NRXN3: variants seen among roughly 807,000 people sequenced by gnomAD.
NRXN3 encodes the protein neurexin III.
NRXN3 carries 32 observed loss-of-function variants against 137.6 expected under a neutral mutation model. The ratio of observed to expected loss-of-function variants is 0.23; its 90% CI spans 0.18 to 0.31. NRXN3 has a LOEUF of 0.31. NRXN3 is among the 10% of genes least tolerant of loss of function. The pLI is 1.00. For synonymous variants in NRXN3, 798 were observed against 784.5 expected (o/e 1.02, Z -0.29); for missense variants, 1,574 against 2,062.5 (o/e 0.76, Z 4.59).
chr14:78,917,047 A>G (rs1245066998), intron 10 of NRXN3, among the ~76,000 whole-genome samples: 2 of 152,158 alleles, frequency 1.3e-5, no homozygotes, highest in Non-Finnish European at 2.9e-5. Flanking sequence ...CCCTATCTTC[A>G]AATATGGTAA....
intron 15 of NRXN3, among the ~76,000 whole-genome samples, chr14:79,113,312 G>A (rs1252115791): frequency 2.6e-5 from 4 of 152,092 alleles, no homozygotes; most frequent in Non-Finnish European, 5.9e-5. Context: ...GAAGTATACT[G>A]GGGCAGTCTA....
intron 16 of NRXN3, among the ~76,000 whole-genome samples, chr14:79,476,872 T>G (rs531083258): frequency 6.6e-6 from 1 of 152,240 alleles, no homozygotes; most frequent in South Asian, 2.1e-4. Flanking sequence ...GGCTTTCAAA[T>G]GCAATTCTGA....
intron 15 of NRXN3, among the ~76,000 whole-genome samples, chr14:79,121,437 G>A (rs1461121049): frequency 6.6e-6 from 1 of 152,208 alleles, no homozygotes; most frequent in Non-Finnish European, 1.5e-5. Context: ...TGAATACCTT[G>A]CAGCCTCTCT....
chr14:78,385,670 G>T lies in NRXN3; in HGVS notation c.757+87810G>T, dbSNP rs563236704. On this transcript the variant is annotated intron_variant, in intron 4 of 20. Coordinates refer to ENST00000335750, the MANE Select transcript of NRXN3 (RefSeq NM_001330195.2). ...CATACAGGAAAGGATTCACTATTTT[G>T]GATGACGTTTGGCTTAGTGCAGATG... Among the ~76,000 whole-genome samples, 5 of 152,292 alleles carry T rather than the reference G, an allele frequency of 3.3e-5. No individual in the cohort carries two copies. The East Asian group carries it at 9.7e-4, about 29-fold the overall frequency.
chr14:78,982,753 G>A (rs1408163389), intron 14 of NRXN3, among the ~76,000 whole-genome samples: 1 of 152,138 alleles, frequency 6.6e-6, no homozygotes, highest in African/African-American at 2.4e-5. Context: ...TTTCTTGGAT[G>A]TGACTTCAAA....
At chr14:79,511,370 G>A (rs1482293818) in intron 16 of NRXN3, among the ~76,000 whole-genome samples, 1 of 152,166 alleles carries the variant, frequency 6.6e-6, no homozygotes, top group Non-Finnish European at 1.5e-5. Flanking sequence ...AAGGACAAGA[G>A]GGGAATTAGC....
chr14:78,935,407 C>T (rs1021056951), intron 10 of NRXN3, among the ~76,000 whole-genome samples: 10 of 152,092 alleles, frequency 6.6e-5, no homozygotes, highest in Non-Finnish European at 1.3e-4. Flanking sequence ...GGGACTGGTT[C>T]CAGAACTTCA....
chr14:78,732,094 C>A (rs1411873074), intron 8 of NRXN3, among the ~76,000 whole-genome samples: 1 of 152,064 alleles, frequency 6.6e-6, no homozygotes, highest in Non-Finnish European at 1.5e-5. Context: ...TCTTTTTGGA[C>A]CAGAGGCTAC....
chr14:79,026,524 A>G (rs1210237207), intron 15 of NRXN3, among the ~76,000 whole-genome samples: 1 of 152,094 alleles, frequency 6.6e-6, no homozygotes, highest in African/African-American at 2.4e-5. Context: ...CAAACAAACC[A>G]GAAAAATTGA....
intron 16 of NRXN3, among the ~76,000 whole-genome samples, chr14:79,627,130 A>T (rs2098290943): frequency 6.6e-6 from 1 of 152,204 alleles, no homozygotes; most frequent in East Asian, 1.9e-4. Context: ...GTGACTTTCT[A>T]TAGCTTTTTC....
At chr14:79,369,911 G>A (rs2153432488) in intron 15 of NRXN3, among the ~76,000 whole-genome samples, 1 of 152,148 alleles carries the variant, frequency 6.6e-6, no homozygotes, top group Non-Finnish European at 1.5e-5. Flanking sequence ...TCAGCTCATG[G>A]GTCACTATGC....
intron 6 of NRXN3, among the ~76,000 whole-genome samples, chr14:78,666,037 C>A (rs944861294): frequency 1.3e-5 from 2 of 152,176 alleles, no homozygotes; most frequent in African/African-American, 4.8e-5. Context: ...TCCCTTTCAA[C>A]TTCCGAATTA....
intron 4 of NRXN3, among the ~76,000 whole-genome samples, chr14:78,565,103 C>G (rs1474175236): frequency 6.6e-6 from 1 of 152,120 alleles, no homozygotes; most frequent in Non-Finnish European, 1.5e-5. Context: ...TGTGTTTTTC[C>G]TATCCCTTTG....
intron 10 of NRXN3, among the ~76,000 whole-genome samples, chr14:78,903,024 T>C (rs112765043): frequency 6.6e-6 from 1 of 151,982 alleles, no homozygotes; most frequent in African/African-American, 2.4e-5. Context: ...TTGGCCGTGA[T>C]TTCCCTCAAC....
chr14:79,620,654 T>C (rs1334041862), intron 16 of NRXN3, among the ~76,000 whole-genome samples: 1 of 152,136 alleles, frequency 6.6e-6, no homozygotes, highest in African/African-American at 2.4e-5. Context: ...GTGGATAATT[T>C]ATTTAGAGGC....
At chr14:79,407,468 A>G (rs2095336946) in intron 15 of NRXN3, among the ~76,000 whole-genome samples, 2 of 152,194 alleles carry the variant, frequency 1.3e-5, no homozygotes, top group Non-Finnish European at 2.9e-5. Flanking sequence ...TAAAAAGAAT[A>G]ATAACAAACC....
At chr14:79,376,778 A>G (rs1412240681) in intron 15 of NRXN3, among the ~76,000 whole-genome samples, 1 of 152,184 alleles carries the variant, frequency 6.6e-6, no homozygotes, top group Non-Finnish European at 1.5e-5. Context: ...TAGGTACATG[A>G]TTACGATGCA....
At chr14:79,857,358 A>C (rs2099404910) in intron 20 of NRXN3, among the ~76,000 whole-genome samples, 2 of 152,030 alleles carry the variant, frequency 1.3e-5, no homozygotes, top group Non-Finnish European at 2.9e-5. Context: ...AGTAGCTGGG[A>C]CTACAGGTGC....
intron 15 of NRXN3, among the ~76,000 whole-genome samples, chr14:79,003,191 C>T (rs964611232): frequency 6.6e-6 from 1 of 152,062 alleles, no homozygotes; most frequent in Non-Finnish European, 1.5e-5. Flanking sequence ...CTGAGGTGTT[C>T]TGGTGTCTTT....
Sources: gnomAD v4.1 joint callset for allele counts (sites outside exome capture counted in the v4.1 genomes callset) on GRCh38, gnomAD v4.1.1 for gene constraint, MANE v1.5 for transcripts, NCBI Gene and HGNC (gene_info 2026-07-23, HGNC 2026-07-21) for gene names.